The following ABCC6 variants were observed in gnomAD, a reference collection of about 807,000 sequenced individuals.
ABCC6 encodes the protein ATP binding cassette subfamily C member 6, also known as ATP-binding cassette sub-family C member 6.
In ABCC6, 126 loss-of-function variants were observed where a neutral mutation model predicts 169.5. The ratio of observed to expected loss-of-function variants is 0.74; its 90% CI spans 0.64 to 0.86. ABCC6 has a LOEUF of 0.86. Ranked by LOEUF, ABCC6 falls within the 40% of genes least tolerant of loss-of-function variation. The pLI, the probability that ABCC6 is intolerant of heterozygous loss-of-function variation, is 0.00. For synonymous variants in ABCC6, 752 were observed against 814.7 expected (o/e 0.92, Z 1.31); for missense variants, 1,733 against 1,927.2 (o/e 0.90, Z 1.89).
chr16:16,149,850 G>A lies in ABCC6; in HGVS notation c.*283C>T, dbSNP rs989882377. On this transcript the variant is annotated 3_prime_UTR_variant, in exon 31 of 31. Coordinates refer to ENST00000205557, the MANE Select transcript of ABCC6 (RefSeq NM_001171.6). ...CTGGGCATGTGCTTGAGGCCCCCAGGTGAGTCCAGAGTACAGCGGGGCTGA... is the reference window on the plus strand; with the variant it reads ...CTGGGCATGTGCTTGAGGCCCCCAGATGAGTCCAGAGTACAGCGGGGCTGA... The A allele has an allele frequency of 3.7e-6, 2 of 534,220 alleles. No individual in the cohort carries two copies. The highest frequency in any genetic ancestry group is 6.8e-6 in the Non-Finnish European group (2 of 293,852). The allele number at this position is 534,220 out of a possible 1,614,324, so 33.1% of individuals were successfully genotyped here.
rs72653788 is a variant in ABCC6, at chr16:16,178,935, G to A, written c.2278C>T (p.Arg760Trp). ...TATACAGCCCGGGCCAGGCTCAGCCGCTGCTTCTGGCCTCCGGAGAGATTC... is the reference window on the plus strand; with the variant it reads ...TATACAGCCCGGGCCAGGCTCAGCCACTGCTTCTGGCCTCCGGAGAGATTC... ...GMNLSGGQKQ[R>W]LSLARAVYRK... The change falls in exon 18 of 31, where the codon CGG becomes TGG. Residue 760 changes from arginine (R) to tryptophan (W), a missense_variant. This residue lies in a region of ABCC6 where 1,601 missense variants were observed against 1,635.5 expected (regional missense o/e 0.98). Coordinates refer to ENST00000205557, the MANE Select transcript of ABCC6 (RefSeq NM_001171.6). 7.7e-5 allele frequency: 124 copies of A among 1,613,258 alleles called. No individual in the cohort carries two copies. The highest frequency in any genetic ancestry group is 3.5e-4 in the Middle Eastern group (2 of 5,772).
chr16:16,165,991 G>T, intron 22 of ABCC6, 58 bp from the exon 23 acceptor site: 1 of 1,555,050 alleles, frequency 6.4e-7, no homozygotes, highest in East Asian at 2.3e-5. Flanking sequence ...AGCGGCCCAC[G>T]GGGCCCTGCG....
rs1381941678 is a variant in ABCC6, at chr16:16,149,798, T to G, written c.*335A>C. ...GCATGGCAGTTCCCAGCCTCAGAGA[T>G]TCTGATTTAAGGGTCTAGCCGGGAG... On this transcript the variant is annotated 3_prime_UTR_variant, in exon 31 of 31. Coordinates refer to ENST00000205557, the MANE Select transcript of ABCC6 (RefSeq NM_001171.6). The G allele has an allele frequency of 4.4e-6, 2 of 451,664 alleles. No homozygotes were observed. Among genetic ancestry groups the G allele is most frequent in the East Asian group, 3.8e-5 (1 of 26,622 alleles). The allele number at this position is 451,664 out of a possible 1,614,324, so 28.0% of individuals were successfully genotyped here.
chr16:16,185,028 C>G lies in ABCC6; in HGVS notation c.1874G>C (p.Gly625Ala). ...VDSSSSGSAAGKDCITIHSAT... is the reference protein window; with the variant it reads ...VDSSSSGSAAAKDCITIHSAT... ...ACTGTGTATGGTGATGCAATCCTTC[C>G]CGGCAGCTGCAGGGCACAAGAGGCC... The change falls in exon 15 of 31, where the codon GGG becomes GCG. Residue 625 changes from glycine (G) to alanine (A), a missense_variant. This residue lies in a region of ABCC6 where 1,601 missense variants were observed against 1,635.5 expected (regional missense o/e 0.98). Coordinates refer to ENST00000205557, the MANE Select transcript of ABCC6 (RefSeq NM_001171.6). The G allele has an allele frequency of 1.9e-6, 3 of 1,613,614 alleles. No individual in the cohort carries two copies. The East Asian group carries it at 6.7e-5, about 36-fold the overall frequency.
chr16:16,164,534 C>T (rs2046819767), intron 23 of ABCC6, among the ~76,000 whole-genome samples: 1 of 152,102 alleles, frequency 6.6e-6, no homozygotes, highest in African/African-American at 2.4e-5. Flanking sequence ...CCAATCAGAA[C>T]CTTCCCTGGG....
Position 16,177,453 on chromosome 16 carries a change from T to C in ABCC6, c.2589A>G (p.Gly863=), listed in dbSNP as rs1462346763. Residue 863 remains glycine (G), a splice_region_variant and synonymous_variant, in exon 19 of 31, where the codon GGA becomes GGG. Transcript: ENST00000205557. ...QARQPGDRGE[G]ETEPGTSTKD... ...GAATCAGCAAAGCCCACCTAGTACCTCCTTCTCCTCTATCTCCTGGCTGTC... is the reference window on the plus strand; with the variant it reads ...GAATCAGCAAAGCCCACCTAGTACCCCCTTCTCCTCTATCTCCTGGCTGTC... 4 of 1,614,052 alleles carry C rather than the reference T, an allele frequency of 2.5e-6. No individual in the cohort carries two copies. The Admixed American group carries it at 6.7e-5, about 27-fold the overall frequency.
intron 10 of ABCC6, among the ~76,000 whole-genome samples, chr16:16,193,138 G>C (rs901321327): frequency 2.0e-5 from 3 of 152,182 alleles, no homozygotes; most frequent in Non-Finnish European, 4.4e-5. Context: ...GATAAAACAG[G>C]TTGCAGTAAA....
At chr16:16,204,837 C>CAT (rs1007008090) in intron 7 of ABCC6, among the ~76,000 whole-genome samples, 10 of 140,186 alleles carry the variant, frequency 7.1e-5, no homozygotes, top group African/African-American at 2.4e-4. Flanking sequence ...TTTTTCTTTT[C>CAT]TTTTTTTTTT....
intron 9 of ABCC6, among the ~76,000 whole-genome samples, chr16:16,199,935 G>T (rs183282118): frequency 2.0e-5 from 3 of 151,964 alleles, no homozygotes; most frequent in East Asian, 1.9e-4. Context: ...GGGCATGCTG[G>T]TGGGCACCTG....
At chr16:16,155,213 T>C in intron 27 of ABCC6, 182 bp from the exon 28 acceptor site, 1 of 690,666 alleles carries the variant, frequency 1.4e-6, no homozygotes, top group South Asian at 1.9e-5. Context: ...CATCCAGTCT[T>C]CCATCTGTGT....
chr16:16,183,827 C>T (rs575180569), intron 15 of ABCC6, among the ~76,000 whole-genome samples: 15 of 152,194 alleles, frequency 9.9e-5, no homozygotes, highest in Admixed American at 7.2e-4. Flanking sequence ...AAATATCAAC[C>T]GTGCTGAGGT....
chr16:16,167,203 AG>A (rs2046905538), intron 22 of ABCC6, among the ~76,000 whole-genome samples: 1 of 152,232 alleles, frequency 6.6e-6, no homozygotes, highest in Middle Eastern at 3.2e-3. Context: ...AACCCAAGTC[AG>A]GCCAATGACA....
chr16:16,219,806 C>T lies in ABCC6; in HGVS notation c.345+16G>A. 6.7e-7 allele frequency: 1 copy of T among 1,499,612 alleles called. No homozygotes were observed. Among genetic ancestry groups the T allele is most frequent in the Admixed American group, 2.0e-5 (1 of 50,604 alleles). 92.9% of individuals were successfully genotyped at this position (1,499,612 alleles called of 1,614,324 possible). On this transcript the variant is annotated intron_variant, in intron 3 of 30. Coordinates refer to ENST00000205557, the MANE Select transcript of ABCC6 (RefSeq NM_001171.6). ...AGCTGGGAGGAAGCCGGGCTCCAGA[C>T]TGAAGGCATCATTACCATCGTGGTG...
intron 4 of ABCC6, among the ~76,000 whole-genome samples, chr16:16,216,970 T>G (rs2856591): frequency 9.3e-5 from 14 of 150,602 alleles, no homozygotes; most frequent in East Asian, 2.0e-4. Flanking sequence ...GAGGCAGAAG[T>G]GGAGATCTGG....
At chr16:16,193,136 A>G (rs570826508) in intron 10 of ABCC6, among the ~76,000 whole-genome samples, 1 of 152,298 alleles carries the variant, frequency 6.6e-6, no homozygotes, top group East Asian at 1.9e-4. Context: ...CTGATAAAAC[A>G]GGTTGCAGTA....
intron 7 of ABCC6, among the ~76,000 whole-genome samples, chr16:16,207,375 T>C (rs369732272): frequency 0.015 from 2,236 of 152,272 alleles, 55 homozygotes; most frequent in African/African-American, 0.05. Flanking sequence ...GATGCTCTCT[T>C]ATTCTGCTGG....
chr16:16,186,673 A>G (rs2047662474), intron 14 of ABCC6, among the ~76,000 whole-genome samples: 1 of 150,154 alleles, frequency 6.7e-6, no homozygotes, highest in African/African-American at 2.5e-5. Context: ...AAGCAAGCTC[A>G]GGGCTCCCAC....
chr16:16,165,767 C>T lies in ABCC6; in HGVS notation c.3162G>A (p.Thr1054=), dbSNP rs374140753. 34 of 1,613,688 alleles carry T rather than the reference C, an allele frequency of 2.1e-5. No homozygotes were observed. Among genetic ancestry groups the T allele is most frequent in the African/African-American group, 2.0e-4 (15 of 74,922 alleles). Reference sequence around the variant, plus strand: ...GTTTGTCTGGAATGTCCACGTCAACCGTGTCTGTCTCCTTGGAGAAGCGGT... The same window carrying T: ...GTTTGTCTGGAATGTCCACGTCAACTGTGTCTGTCTCCTTGGAGAAGCGGT... The part of the protein sequence containing the change: ...LLNRFSKETD[T]VDVDIPDKLR... The change falls in exon 23 of 31, where the codon ACG becomes ACA. Residue 1054 remains threonine, a synonymous_variant. Transcript: ENST00000205557.
intron 23 of ABCC6, 140 bp from the exon 24 acceptor site, chr16:16,163,332 T>C: frequency 2.6e-6 from 2 of 773,698 alleles, no homozygotes; most frequent in Non-Finnish European, 4.2e-6. Flanking sequence ...GGCTAGTTGC[T>C]TGCCCTCTCT....
Sources: allele counts gnomAD v4.1 joint callset (sites outside exome capture counted in the v4.1 genomes callset), GRCh38; gene constraint gnomAD v4.1.1; regional missense constraint gnomAD v4.1.1; transcripts MANE v1.5; gene names NCBI Gene and HGNC (gene_info 2026-07-23, HGNC 2026-07-21).